STAG1: variants seen among roughly 807,000 people sequenced by gnomAD.
The protein encoded by STAG1 is STAG1 cohesin complex component.
STAG1 carries 26 observed loss-of-function variants against 170.9 expected under a neutral mutation model. The observed-to-expected ratio is 0.15, with a 90% CI of 0.11 to 0.21. The LOEUF (loss-of-function observed/expected upper bound fraction) is 0.21, where lower values mean the gene tolerates loss of function less well. STAG1 is among the 10% of genes least tolerant of loss of function. The pLI is 1.00. For synonymous variants in STAG1, 514 were observed against 497.7 expected (o/e 1.03, Z -0.44); for missense variants, 964 against 1,509.5 (o/e 0.64, Z 5.99).
chr3:136,727,168 A>G (rs1933735003), intron 1 of STAG1, among the ~76,000 whole-genome samples: 1 of 152,198 alleles, frequency 6.6e-6, no homozygotes, highest in African/African-American at 2.4e-5. Flanking sequence ...TCATGTAAGA[A>G]TAAATACCAT....
intron 9 of STAG1, among the ~76,000 whole-genome samples, chr3:136,477,849 G>C (rs773916404): frequency 6.6e-5 from 10 of 152,272 alleles, no homozygotes; most frequent in Admixed American, 2.6e-4. Flanking sequence ...GGAGTGCAGT[G>C]GCATGATTTC....
At chr3:136,739,842 T>C (rs902450965) in intron 1 of STAG1, among the ~76,000 whole-genome samples, 3 of 151,688 alleles carry the variant, frequency 2.0e-5, no homozygotes, top group African/African-American at 4.8e-5. Context: ...ATAATAATTA[T>C]ATACATATAT....
rs953837633 is a variant in STAG1 at position 136,737,878 on chromosome 3, A to G, written c.-84+14317T>C. Among the ~76,000 whole-genome samples the G allele has an allele frequency of 2.6e-3, 395 of 151,264 alleles. 2 individuals are homozygous for G. Among genetic ancestry groups the G allele is most frequent in the African/African-American group, 9.3e-3 (384 of 41,182 alleles). On this transcript the variant is annotated intron_variant, in intron 1 of 33. Transcript: ENST00000383202. ...AGGTCAGGGGTTCAAGACCAGCCTG[A>G]CTAACATGGTGAAACCCCGTCTCTA...
intron 12 of STAG1, among the ~76,000 whole-genome samples, chr3:136,471,680 G>C (rs1396254604): frequency 6.6e-6 from 1 of 152,110 alleles, no homozygotes; most frequent in Non-Finnish European, 1.5e-5. Context: ...CAAACCTGTA[G>C]AAATACAGCT....
At chr3:136,370,277 G>A (rs893882401) in intron 23 of STAG1, among the ~76,000 whole-genome samples, 1 of 152,040 alleles carries the variant, frequency 6.6e-6, no homozygotes, top group African/African-American at 2.4e-5. Flanking sequence ...AATGAGACAT[G>A]TGGGAGGTGG....
At chr3:136,670,805 A>C (rs1225033275) in intron 1 of STAG1, among the ~76,000 whole-genome samples, 1 of 152,052 alleles carries the variant, frequency 6.6e-6, no homozygotes, top group Non-Finnish European at 1.5e-5. Context: ...TATATTTTCA[A>C]GTAAAATCAT....
chr3:136,442,017 G>C (rs1433148239), intron 15 of STAG1, among the ~76,000 whole-genome samples: 1 of 152,180 alleles, frequency 6.6e-6, no homozygotes, highest in East Asian at 1.9e-4. Context: ...GGTCAACATG[G>C]TGAAATCCTG....
At chr3:136,665,286 T>G (rs1404242610) in intron 1 of STAG1, among the ~76,000 whole-genome samples, 1 of 152,130 alleles carries the variant, frequency 6.6e-6, no homozygotes, top group Non-Finnish European at 1.5e-5. Context: ...GGTGGTTGTA[T>G]TTTGTATGTG....
chr3:136,678,679 AAC>A (rs1942220657), intron 1 of STAG1, among the ~76,000 whole-genome samples: 1 of 151,902 alleles, frequency 6.6e-6, no homozygotes, highest in Admixed American at 6.6e-5. Context: ...TAATGCTTTT[AAC>A]ACACACTGAG....
At chr3:136,392,082 A>T (rs893207487) in intron 22 of STAG1, among the ~76,000 whole-genome samples, 3 of 152,218 alleles carry the variant, frequency 2.0e-5, no homozygotes, top group Admixed American at 6.5e-5. Context: ...AAGAAAAAAA[A>T]TTTTAGAAAA....
At chr3:136,515,758 T>G (rs1934341486) in intron 7 of STAG1, among the ~76,000 whole-genome samples, 1 of 152,082 alleles carries the variant, frequency 6.6e-6, no homozygotes, top group Non-Finnish European at 1.5e-5. Flanking sequence ...ATATACAGAT[T>G]CAAAAAAGTA....
At chr3:136,644,847 AG>A (rs1940942935) in intron 1 of STAG1, among the ~76,000 whole-genome samples, 1 of 152,032 alleles carries the variant, frequency 6.6e-6, no homozygotes, top group African/African-American at 2.4e-5. Flanking sequence ...CAGCCTCCCC[AG>A]TAGCTGGGAC....
chr3:136,400,982 T>G (rs2108345116), intron 21 of STAG1, among the ~76,000 whole-genome samples: 1 of 152,294 alleles, frequency 6.6e-6, no homozygotes, highest in African/African-American at 2.4e-5. Context: ...TTCATTGAAA[T>G]ATATGAAAAA....
At chr3:136,456,836 C>T (rs2089126701) in intron 13 of STAG1, among the ~76,000 whole-genome samples, 1 of 152,156 alleles carries the variant, frequency 6.6e-6, no homozygotes, top group African/African-American at 2.4e-5. Context: ...TCTTGAAGGT[C>T]AGGATAGACT....
At chr3:136,493,546 T>C (rs1426467818) in intron 9 of STAG1, among the ~76,000 whole-genome samples, 2 of 151,142 alleles carry the variant, frequency 1.3e-5, no homozygotes. Flanking sequence ...TCCCAACTAC[T>C]CAGGGGGCTG....
chr3:136,595,954 A>G (rs1278480871), intron 4 of STAG1, among the ~76,000 whole-genome samples: 6 of 152,182 alleles, frequency 3.9e-5, no homozygotes, highest in African/African-American at 7.2e-5. Context: ...TTACAAGGGC[A>G]TCTACTGTCC....
At chr3:136,708,644 C>A (rs1413923134) in intron 1 of STAG1, among the ~76,000 whole-genome samples, 2 of 152,034 alleles carry the variant, frequency 1.3e-5, no homozygotes, top group African/African-American at 2.4e-5. Context: ...AAAAAAGACT[C>A]AGTACTGGAA....
chr3:136,593,149 G>A (rs1222553083), intron 4 of STAG1, among the ~76,000 whole-genome samples: 2 of 152,150 alleles, frequency 1.3e-5, no homozygotes, highest in Non-Finnish European at 2.9e-5. Flanking sequence ...GCTCACTAAA[G>A]TTCACCATGC....
chr3:136,652,086 A>C (rs1941238519), intron 1 of STAG1, among the ~76,000 whole-genome samples: 1 of 152,236 alleles, frequency 6.6e-6, no homozygotes, highest in African/African-American at 2.4e-5. Context: ...TGTGCATAAA[A>C]GCAATAAAAG....
Sources: gnomAD v4.1 joint callset for allele counts (sites outside exome capture counted in the v4.1 genomes callset) on GRCh38, gnomAD v4.1.1 for gene constraint, MANE v1.5 for transcripts, NCBI Gene and HGNC (gene_info 2026-07-23, HGNC 2026-07-21) for gene names.